ZNF3: variants seen among roughly 807,000 people sequenced by gnomAD.
The protein encoded by ZNF3 is C2-H2 type zinc finger protein.
In ZNF3, 16 loss-of-function variants were observed where a neutral mutation model predicts 36.9. The ratio of observed to expected loss-of-function variants is 0.43; its 90% confidence interval spans 0.29 to 0.66. ZNF3 has a LOEUF of 0.66. Ranked by LOEUF, ZNF3 falls within the 30% of genes least tolerant of loss-of-function variation. The probability of loss-of-function intolerance (pLI) is 0.13; values close to 1 mark genes in which losing one functional copy is unlikely to be tolerated. For synonymous variants in ZNF3, 201 were observed against 201.9 expected (o/e 1.00, Z 0.04); for missense variants, 462 against 543.1 (o/e 0.85, Z 1.48).
intron 5 of ZNF3, among the ~76,000 whole-genome samples, chr7:100,073,716 G>A (rs1006893192): frequency 6.6e-6 from 1 of 152,036 alleles, no homozygotes; most frequent in Non-Finnish European, 1.5e-5. Context: ...AAAGCAACAG[G>A]TCCCTAGAAG....
chr7:100,075,273 C>T lies in ZNF3; in HGVS notation c.145-12G>A, dbSNP rs759984185. 1.6e-5 allele frequency: 26 copies of T among 1,613,884 alleles called. No individual in the cohort carries two copies. Among genetic ancestry groups the T allele is most frequent in the Admixed American group, 3.3e-5 (2 of 59,986 alleles). ...AAGGTTACCAGCTCCTGAAACAACA[C>T]GTGCTGGCATGCAATTTCAGGGTGA... On this transcript the variant is annotated splice_polypyrimidine_tract_variant and intron_variant, in intron 4 of 5. Coordinates refer to ENST00000299667, the MANE Select transcript of ZNF3 (RefSeq NM_032924.5).
chr7:100,068,089 GT>G (rs368255892), downstream of ZNF3, among the ~76,000 whole-genome samples: 112 of 152,074 alleles, frequency 7.4e-4, no homozygotes, highest in African/African-American at 2.6e-3. Context: ...ACATGGGCAG[GT>G]TTTTTTCTTC....
At chr7:100,075,433 G>T in intron 4 of ZNF3, 109 bp downstream of exon 4, 1 of 1,510,456 alleles carries the variant, frequency 6.6e-7, no homozygotes, top group Non-Finnish European at 9.1e-7. Flanking sequence ...CCATGATTCA[G>T]CAGGACAGAA....
At chr7:100,064,193 A>T (rs1448604857) in exon 6 of ZNF3, 1 of 1,614,124 alleles carries the variant, frequency 6.2e-7, no homozygotes, top group East Asian at 2.2e-5. Context: ...GACCGGCCCT[A>T]TGACTGTAAG....
At chr7:100,064,704 T>G in exon 6 of ZNF3, 2 of 1,607,550 alleles carry the variant, frequency 1.2e-6, no homozygotes, top group Non-Finnish European at 1.7e-6. Context: ...CAGCATCGAT[T>G]CCGGTGATAG....
upstream of ZNF3, chr7:100,082,386 C>A (rs1259762836): frequency 6.6e-6 from 1 of 152,190 alleles, no homozygotes; most frequent in Non-Finnish European, 1.5e-5. Flanking sequence ...GAGTTCGAGA[C>A]CAGCCTGGCC....
chr7:100,068,926 C>T (rs1792783819), downstream of ZNF3, among the ~76,000 whole-genome samples: 1 of 151,960 alleles, frequency 6.6e-6, no homozygotes, highest in Admixed American at 6.6e-5. Context: ...AAGCGATTCT[C>T]CTCCCTCAGT....
rs1288962257 is a variant in ZNF3, at chr7:100,071,730, C to T, written c.754G>A (p.Gly252Arg). ...TCACTACATTCATAAGGTTTTTCCC[C>T]AGTGTGGATTCTCTGATGCTGAATA... ...HLIQHQRIHT[G>R]EKPYECSDCG... Residue 252 changes from glycine to arginine, a missense_variant, in exon 6 of 6, where the codon GGG becomes AGG. Physicochemically the swap from Gly to Arg is moderately radical, Grantham distance 125. Transcript: ENST00000299667. The T allele has an allele frequency of 6.2e-7, 1 of 1,614,072 alleles. No homozygotes were observed. The highest frequency in any genetic ancestry group is 8.5e-7 in the Non-Finnish European group (1 of 1,180,016).
At chr7:100,080,878 T>A (rs1335669955) in intron 1 of ZNF3, among the ~76,000 whole-genome samples, 1 of 152,226 alleles carries the variant, frequency 6.6e-6, no homozygotes, top group Non-Finnish European at 1.5e-5. Context: ...ATCAAACACG[T>A]ATAATCAAAT....
At chr7:100,077,249 A>G in intron 3 of ZNF3, 54 bp downstream of exon 3, 1 of 1,611,200 alleles carries the variant, frequency 6.2e-7, no homozygotes, top group South Asian at 1.1e-5. Context: ...AGCGATTTCA[A>G]TGGATGATTG....
chr7:100,064,648 T>G (rs943548730), exon 6 of ZNF3: 3 of 1,603,794 alleles, frequency 1.9e-6, no homozygotes, highest in Non-Finnish European at 2.6e-6. Flanking sequence ...TGTCGTTGTT[T>G]TAAACTTTAG....
In ZNF3 at chr7:100,081,348, C is replaced by CT. The variant is rs1794970765; in HGVS notation, c.-198+286dup. 6.6e-6 allele frequency among the ~76,000 whole-genome samples: 1 copy of CT among 152,262 alleles called. No homozygotes were observed. Among genetic ancestry groups the CT allele is most frequent in the Admixed American group, 6.5e-5 (1 of 15,292 alleles). On this transcript the variant is annotated intron_variant, in intron 1 of 5. Transcript: ENST00000299667. The surrounding 1 kb of genome is among the most constrained non-coding windows in gnomAD (Gnocchi z 4.3). ...AGCTGCTTTCAAGAGAGAGGCGCCC[C>CT]TACCGCTCTGCTGAAACTTTTAAAC...
At chr7:100,064,571 T>A in exon 6 of ZNF3, 1 of 1,614,204 alleles carries the variant, frequency 6.2e-7, no homozygotes, top group Non-Finnish European at 8.5e-7. Flanking sequence ...AAGTCCAATC[T>A]TTCCAAACAT....
downstream of ZNF3, among the ~76,000 whole-genome samples, chr7:100,067,682 G>A (rs554918797): frequency 2.6e-5 from 4 of 152,158 alleles, no homozygotes; most frequent in African/African-American, 4.8e-5. Flanking sequence ...GATTACAGGC[G>A]TGAGCCACTG....
chr7:100,064,394 A>T (rs143021897), exon 6 of ZNF3: 1 of 1,608,262 alleles, frequency 6.2e-7, no homozygotes, highest in African/African-American at 1.4e-5. Context: ...TTCAGTCAGC[A>T]TGCGGGCCTC....
intron 2 of ZNF3, chr7:100,077,713 C>T (rs1379494732): frequency 1.2e-5 from 2 of 171,954 alleles, no homozygotes; most frequent in Non-Finnish European, 1.2e-5. Context: ...TGAGCCACCG[C>T]GCCCGGTATT....
At chr7:100,068,052 C>A (rs537759875), downstream of ZNF3, among the ~76,000 whole-genome samples, 1 of 152,166 alleles carries the variant, frequency 6.6e-6, no homozygotes, top group Non-Finnish European at 1.5e-5. Context: ...TGGAGACCCA[C>A]GACTGAGGCT....
rs769709156 is a variant in ZNF3, at chr7:100,072,129, C to T, written c.355G>A (p.Asp119Asn). Residue 119 changes from aspartate (D) to asparagine (N), a missense_variant, in exon 6 of 6, where the codon GAT (aspartate) becomes AAT (asparagine). Coordinates refer to ENST00000299667, the MANE Select transcript of ZNF3 (RefSeq NM_032924.5). Reference sequence around the variant, plus strand: ...TTAAACTTGAGACCCTGAGAAATATCCTTTTGAAATCTTCCCAGTAGGACC... The same window carrying T: ...TTAAACTTGAGACCCTGAGAAATATTCTTTTGAAATCTTCCCAGTAGGACC... ...HGVLLGRFQKDISQGLKFKEA... is the reference protein window; with the variant it reads ...HGVLLGRFQKNISQGLKFKEA... 3.7e-6 allele frequency: 6 copies of T among 1,613,640 alleles called. No homozygotes were observed. Among genetic ancestry groups the T allele is most frequent in the South Asian group, 3.3e-5 (3 of 90,984 alleles).
intron 3 of ZNF3, among the ~76,000 whole-genome samples, chr7:100,076,008 ATT>A (rs112026004): frequency 2.9e-5 from 4 of 139,726 alleles, no homozygotes; most frequent in African/African-American, 2.6e-5. Context: ...ATGAAGTTCT[ATT>A]TTTTTTTTTT....
Sources: allele counts gnomAD v4.1 joint callset (sites outside exome capture counted in the v4.1 genomes callset), GRCh38; gene constraint gnomAD v4.1.1; non-coding constraint Gnocchi (gnomAD v3.1); transcripts MANE v1.5; gene names NCBI Gene and HGNC (gene_info 2026-07-23, HGNC 2026-07-21).